Variants in BCAS4 observed in about 807,000 individuals in gnomAD.
The protein encoded by BCAS4 is breast carcinoma-amplified sequence 4.
BCAS4 carries 9 observed loss-of-function variants against 15.7 expected under a neutral mutation model. The observed-to-expected ratio is 0.57, with a 90% confidence interval of 0.34 to 1.00. The LOEUF is 1.00. BCAS4 is among the 50% of genes least tolerant of loss of function. BCAS4 has a pLI of 0.02. For synonymous variants in BCAS4, 101 were observed against 99.5 expected, an observed-to-expected ratio of 1.02 and a Z score of -0.09; for missense variants, 225 against 239.1, an observed-to-expected ratio of 0.94 and a Z score of 0.39.
At chr20:50,796,785 C>T (rs1986961) in intron 1 of BCAS4, among the ~76,000 whole-genome samples, 4 of 151,296 alleles carry the variant, frequency 2.6e-5, no homozygotes, top group South Asian at 2.1e-4. Flanking sequence ...TAAGCCACAG[C>T]GCCCAGCCAT....
At chr20:50,796,485 A>ATT (rs1198586862) in intron 1 of BCAS4, among the ~76,000 whole-genome samples, 53 of 10,302 alleles carry the variant, frequency 5.1e-3, no homozygotes, top group Admixed American at 7.0e-3. Flanking sequence ...ATATATATAT[A>ATT]TATTTTTTTT....
At chr20:50,858,625 G>A (rs942591986) in intron 4 of BCAS4, among the ~76,000 whole-genome samples, 5 of 150,806 alleles carry the variant, frequency 3.3e-5, no homozygotes, top group African/African-American at 1.2e-4. Flanking sequence ...CAAAGTAAAT[G>A]CTATATAGAT....
At chr20:50,871,452 C>T (rs542868062) in intron 4 of BCAS4, among the ~76,000 whole-genome samples, 1 of 152,370 alleles carries the variant, frequency 6.6e-6, no homozygotes, top group Admixed American at 6.5e-5. Flanking sequence ...CAGCCCTTAC[C>T]TGCTGATTCA....
intron 4 of BCAS4, among the ~76,000 whole-genome samples, chr20:50,865,993 C>G (rs947013009): frequency 6.6e-6 from 1 of 152,162 alleles, no homozygotes; most frequent in African/African-American, 2.4e-5. Context: ...CACCCAGGAC[C>G]TAGGGGACAG....
At chr20:50,826,039 C>T (rs999554582) in intron 2 of BCAS4, among the ~76,000 whole-genome samples, 1 of 152,154 alleles carries the variant, frequency 6.6e-6, no homozygotes, top group Non-Finnish European at 1.5e-5. Context: ...CAGCCCATAC[C>T]CCCAAGCTCA....
chr20:50,875,292 GC>G (rs1568689567), intron 4 of BCAS4, among the ~76,000 whole-genome samples: 1 of 151,896 alleles, frequency 6.6e-6, no homozygotes, highest in South Asian at 2.1e-4. Context: ...GCCTGCAGGA[GC>G]CCGCCAGCCA....
At chr20:50,867,915 AAAAC>A (rs765588512) in intron 4 of BCAS4, among the ~76,000 whole-genome samples, 31 of 152,136 alleles carry the variant, frequency 2.0e-4, no homozygotes, top group Admixed American at 1.4e-3. Flanking sequence ...CTCCATCTCA[AAAAC>A]AAACAAACAA....
chr20:50,826,964 T>TA (rs1421337480), intron 2 of BCAS4, among the ~76,000 whole-genome samples: 1 of 150,696 alleles, frequency 6.6e-6, no homozygotes, highest in Non-Finnish European at 1.5e-5. Context: ...CAAGACCCTA[T>TA]AAAAAAACAA....
intron 1 of BCAS4, among the ~76,000 whole-genome samples, chr20:50,816,997 G>C (rs1414495949): frequency 1.3e-5 from 2 of 151,628 alleles, no homozygotes; most frequent in Non-Finnish European, 2.9e-5. Context: ...TAGAGATGGG[G>C]TCACCACATT....
intron 1 of BCAS4, among the ~76,000 whole-genome samples, chr20:50,808,753 T>C (rs568016306): frequency 1.3e-5 from 2 of 152,320 alleles, no homozygotes; most frequent in East Asian, 3.9e-4. Flanking sequence ...GTCAGATGCA[T>C]AGATTGTGAA....
At chr20:50,869,426 C>A (rs1030714999) in intron 4 of BCAS4, among the ~76,000 whole-genome samples, 2 of 152,124 alleles carry the variant, frequency 1.3e-5, no homozygotes, top group Non-Finnish European at 2.9e-5. Flanking sequence ...GTGTGTCCAC[C>A]CCCCCTTTTG....
chr20:50,847,382 C>T (rs61194417), intron 4 of BCAS4, among the ~76,000 whole-genome samples: 26,288 of 152,128 alleles, frequency 0.17, 2,565 homozygotes, highest in African/African-American at 0.28. Context: ...CCGCTGCACC[C>T]GGTTGAAAAG....
chr20:50,879,043 C>T (rs1042152751), downstream of BCAS4: 4 of 150,098 alleles, frequency 2.7e-5, no homozygotes, highest in African/African-American at 7.4e-5. Flanking sequence ...GGGATGTGTA[C>T]CTACGGTGTG....
intron 2 of BCAS4, 116 bp downstream of exon 2, chr20:50,818,398 G>T: frequency 2.1e-6 from 2 of 973,898 alleles, no homozygotes; most frequent in Non-Finnish European, 3.1e-6. Flanking sequence ...GAATGGGGCA[G>T]CGGCCAGCGC....
intron 3 of BCAS4, among the ~76,000 whole-genome samples, chr20:50,836,078 T>C (rs1046597697): frequency 2.0e-5 from 3 of 151,978 alleles, no homozygotes; most frequent in African/African-American, 7.3e-5. Flanking sequence ...CCACCACACA[T>C]GGCTAACTTT....
chr20:50,817,250 C>T (rs1300345243), intron 1 of BCAS4, among the ~76,000 whole-genome samples: 1 of 152,126 alleles, frequency 6.6e-6, no homozygotes, highest in African/African-American at 2.4e-5. Flanking sequence ...GGACCCTTTA[C>T]ATAACATAAA....
intron 1 of BCAS4, among the ~76,000 whole-genome samples, chr20:50,796,489 T>TATA (rs1569013382): frequency 8.5e-5 from 1 of 11,738 alleles, no homozygotes; most frequent in African/African-American, 2.4e-4. Context: ...ATATATATAT[T>TATA]TTTTTTTTTT....
intron 4 of BCAS4, among the ~76,000 whole-genome samples, chr20:50,852,606 T>C (rs1414948687): frequency 6.6e-6 from 1 of 152,188 alleles, no homozygotes; most frequent in Non-Finnish European, 1.5e-5. Context: ...GGTCTTGAAC[T>C]CCTGACCCCA....
chr20:50,875,031 G>A (rs559618692), intron 4 of BCAS4, among the ~76,000 whole-genome samples: 55 of 152,154 alleles, frequency 3.6e-4, no homozygotes, highest in Middle Eastern at 6.8e-3. Flanking sequence ...GCAGTAGCCC[G>A]GGAGCCCTCT....
Sources: allele counts gnomAD v4.1 joint callset (sites outside exome capture counted in the v4.1 genomes callset), GRCh38; gene constraint gnomAD v4.1.1; transcripts MANE v1.5; gene names NCBI Gene and HGNC (gene_info 2026-07-23, HGNC 2026-07-21).